PKN2: variants seen among roughly 807,000 people sequenced by gnomAD.
The protein encoded by PKN2 is serine/threonine-protein kinase N2.
PKN2 carries 38 observed loss-of-function variants against 119.1 expected under a neutral mutation model. That is an observed-to-expected ratio of 0.32 (90% confidence interval 0.25 to 0.42). The LOEUF is 0.42. Among genes scored for constraint, PKN2 ranks in the 10% least tolerant of loss-of-function variants. The pLI is 1.00. For synonymous variants in PKN2, 390 were observed against 384.9 expected (o/e 1.01, Z -0.15); for missense variants, 850 against 1,165.1 (o/e 0.73, Z 3.94).
intron 8 of PKN2, among the ~76,000 whole-genome samples, chr1:88,795,519 T>G (rs1024622331): frequency 2.0e-5 from 3 of 152,224 alleles, no homozygotes; most frequent in African/African-American, 7.2e-5. Flanking sequence ...AAACTGAAGT[T>G]TCTACTGCCA....
rs577644042 is a variant in PKN2 at position 88,823,942 on chromosome 1, G to A, written c.2343-368G>A. 6.7e-5 allele frequency among the ~76,000 whole-genome samples: 10 copies of A among 150,198 alleles called. No individual in the cohort carries two copies. The South Asian group carries it at 1.7e-3, about 25-fold the overall frequency. ...GAGAATCGCTTGTACCCGGGAGGCA[G>A]AGGTTGCAGTGAGCTGAGACCACGC... On this transcript the variant is annotated intron_variant, in intron 17 of 21. Coordinates refer to ENST00000370521, the MANE Select transcript of PKN2 (RefSeq NM_006256.4).
intron 1 of PKN2, among the ~76,000 whole-genome samples, chr1:88,696,826 CT>C (rs1666560868): frequency 6.6e-6 from 1 of 152,102 alleles, no homozygotes; most frequent in African/African-American, 2.4e-5. Flanking sequence ...TATATTTATA[CT>C]TTTCATCATC....
intron 2 of PKN2, among the ~76,000 whole-genome samples, chr1:88,752,011 T>C (rs1004646214): frequency 1.3e-5 from 2 of 152,136 alleles, no homozygotes; most frequent in African/African-American, 4.8e-5. Flanking sequence ...TATAATGGCG[T>C]AGATTTCGTT....
intron 8 of PKN2, among the ~76,000 whole-genome samples, chr1:88,802,754 A>G (rs1011430341): frequency 2.0e-5 from 3 of 152,244 alleles, no homozygotes; most frequent in Non-Finnish European, 4.4e-5. Flanking sequence ...CTTATTCACA[A>G]TAAGACAAAA....
Position 88,821,995 on chromosome 1 carries a change from T to G in PKN2, c.2334T>G (p.Ile778Met), listed in dbSNP as rs1052106282. ...TGCAGTATTTACATGAACACAAAAT[T>G]GTTTATAGGTAAGTTAATTTTTAAT... ...LGLQYLHEHKIVYRDLKLDNL... is the reference protein window; with the variant it reads ...LGLQYLHEHKMVYRDLKLDNL... The change falls in exon 17 of 22, where the codon ATT (isoleucine) becomes ATG (methionine). Residue 778 changes from isoleucine to methionine, a missense_variant. Physicochemically the swap from Ile to Met is conservative, Grantham distance 10. Around this residue, in one of 9 missense-constraint regions of PKN2, gnomAD observed 55 missense variants for 85.9 expected, o/e 0.64. Transcript: ENST00000370521. The G allele has an allele frequency of 6.4e-7, 1 of 1,567,544 alleles. No individual in the cohort carries two copies. The highest frequency in any genetic ancestry group is 1.2e-5 in the South Asian group (1 of 83,070).
At chr1:88,828,432 C>A in intron 18 of PKN2, 49 bp from the exon 19 acceptor site, 2 of 1,483,708 alleles carry the variant, frequency 1.3e-6, no homozygotes, top group South Asian at 1.2e-5. Flanking sequence ...TTTTTTTATG[C>A]TAGATTTGTT....
At chr1:88,773,478 G>A (rs1669973725) in intron 6 of PKN2, among the ~76,000 whole-genome samples, 1 of 152,102 alleles carries the variant, frequency 6.6e-6, no homozygotes, top group Admixed American at 6.5e-5. Flanking sequence ...TGTATTTTTA[G>A]TAGAGACAGG....
At chr1:88,788,532 G>C (rs1476922143) in intron 8 of PKN2, among the ~76,000 whole-genome samples, 1 of 151,440 alleles carries the variant, frequency 6.6e-6, no homozygotes, top group Non-Finnish European at 1.5e-5. Context: ...CGCAACCTCT[G>C]CCTCCCAGGT....
intron 3 of PKN2, among the ~76,000 whole-genome samples, chr1:88,760,783 G>GT (rs1474481521): frequency 3.4e-4 from 51 of 150,602 alleles, no homozygotes; most frequent in Admixed American, 6.6e-4. Flanking sequence ...CTTTGTTGTT[G>GT]TTTTTTTTGT....
At chr1:88,766,024 G>C (rs1669655408) in intron 3 of PKN2, among the ~76,000 whole-genome samples, 1 of 152,168 alleles carries the variant, frequency 6.6e-6, no homozygotes, top group South Asian at 2.1e-4. Flanking sequence ...TGTTGGCTGG[G>C]CTGGTCTCGA....
At chr1:88,742,173 G>C (rs143955946) in intron 2 of PKN2, among the ~76,000 whole-genome samples, 3 of 152,178 alleles carry the variant, frequency 2.0e-5, no homozygotes, top group African/African-American at 7.2e-5. Context: ...GAAAAAGAGT[G>C]TGAGAGTGTA....
intron 1 of PKN2, among the ~76,000 whole-genome samples, chr1:88,705,732 A>AATT (rs1223840173): frequency 1.3e-5 from 2 of 151,876 alleles, no homozygotes; most frequent in Non-Finnish European, 2.9e-5. Context: ...TTCTCCACTG[A>AATT]ATTGCCTTTA....
intron 19 of PKN2, among the ~76,000 whole-genome samples, chr1:88,831,995 T>C (rs1030824146): frequency 4.6e-5 from 7 of 152,044 alleles, no homozygotes; most frequent in African/African-American, 1.4e-4. Flanking sequence ...ACTACTTTTT[T>C]ATGTCTCAGG....
At chr1:88,803,209 C>A (rs557507490) in intron 8 of PKN2, among the ~76,000 whole-genome samples, 15 of 152,192 alleles carry the variant, frequency 9.9e-5, no homozygotes, top group Non-Finnish European at 2.1e-4. Context: ...TAATTCTTTT[C>A]CTGTTTGACT....
chr1:88,691,124 C>T (rs886813234), intron 1 of PKN2, among the ~76,000 whole-genome samples: 2 of 152,048 alleles, frequency 1.3e-5, no homozygotes, highest in South Asian at 4.1e-4. Flanking sequence ...AGTGCAGTGA[C>T]GTGATCTCGG....
chr1:88,820,492 A>T (rs893881159), intron 16 of PKN2, among the ~76,000 whole-genome samples: 3 of 150,614 alleles, frequency 2.0e-5, no homozygotes, highest in African/African-American at 7.3e-5. Flanking sequence ...GAGATTGTGC[A>T]ATTGCACTCC....
At chr1:88,756,402 A>G (rs1365537419) in intron 2 of PKN2, among the ~76,000 whole-genome samples, 1 of 152,146 alleles carries the variant, frequency 6.6e-6, no homozygotes, top group East Asian at 1.9e-4. Flanking sequence ...CTTTTTACTC[A>G]TTGGTTCTAA....
Position 88,725,050 on chromosome 1 carries a change from G to A in PKN2, c.49-15938G>A, listed in dbSNP as rs187147148. On this transcript the variant is annotated intron_variant, in intron 1 of 21. Coordinates refer to ENST00000370521, the MANE Select transcript of PKN2 (RefSeq NM_006256.4). ...TAGCTGGGATTACAGGCATGTGCCT[G>A]TAAGTAGTTACTTTTTATTGCTTAG... 9.7e-4 allele frequency among the ~76,000 whole-genome samples: 147 copies of A among 152,114 alleles called. 1 individual carries two copies. The highest frequency in any genetic ancestry group is 3.5e-3 in the African/African-American group (144 of 41,504).
At chr1:88,783,891 T>C (rs1031118693) in intron 6 of PKN2, among the ~76,000 whole-genome samples, 4 of 152,202 alleles carry the variant, frequency 2.6e-5, no homozygotes, top group African/African-American at 9.6e-5. Flanking sequence ...TTACATCAAA[T>C]AGAACACATT....
Sources: gnomAD v4.1 joint callset for allele counts (sites outside exome capture counted in the v4.1 genomes callset) on GRCh38, gnomAD v4.1.1 for gene constraint, gnomAD v4.1.1 regional missense constraint, MANE v1.5 for transcripts, NCBI Gene and HGNC (gene_info 2026-07-23, HGNC 2026-07-21) for gene names.